Variants in TIAM2 observed in about 807,000 individuals in gnomAD.
TIAM2 encodes TIAM Rac1 associated GEF 2, also known as rho guanine nucleotide exchange factor TIAM2.
In TIAM2, 80 loss-of-function variants were observed where a neutral mutation model predicts 152.9. That is an observed-to-expected ratio of 0.52 (90% CI 0.44 to 0.63). The LOEUF (loss-of-function observed/expected upper bound fraction) is 0.63, where lower values mean the gene tolerates loss of function less well. Ranked by LOEUF, TIAM2 falls within the 30% of genes least tolerant of loss-of-function variation. TIAM2 has a pLI of 0.00. For synonymous variants in TIAM2, 804 were observed against 838.0 expected (o/e 0.96, Z 0.70); for missense variants, 1,965 against 2,120.1 (o/e 0.93, Z 1.44).
intron 1 of TIAM2, among the ~76,000 whole-genome samples, chr6:155,023,571 A>G (rs1776540330): frequency 6.6e-6 from 1 of 152,096 alleles, no homozygotes; most frequent in Non-Finnish European, 1.5e-5. Context: ...CTGGCCTGGA[A>G]CCAGCTGCAA....
chr6:155,127,606 C>A lies in TIAM2; in HGVS notation c.-7+6C>A, dbSNP rs1203887910. On this transcript the variant is annotated splice_donor_region_variant and intron_variant, in intron 3 of 26. Transcript: ENST00000682666. ...CAGCAGAAACTAGACGTCAGGTAAA[C>A]CCAACCCTTGTGCCTGGGGGTCACG... The A allele has an allele frequency of 4.4e-6, 2 of 455,858 alleles. No homozygotes were observed. 28.2% of individuals were successfully genotyped at this position (455,858 alleles called of 1,614,324 possible).
chr6:155,157,430 T>C (rs1398786158), intron 7 of TIAM2, among the ~76,000 whole-genome samples: 2 of 151,912 alleles, frequency 1.3e-5, no homozygotes, highest in African/African-American at 4.8e-5. Context: ...TTAGGAGAAG[T>C]ATATTTCTTT....
intron 14 of TIAM2, among the ~76,000 whole-genome samples, chr6:155,185,616 C>T (rs1170421684): frequency 3.9e-5 from 6 of 151,986 alleles, no homozygotes; most frequent in African/African-American, 9.7e-5. Context: ...GGCAGCCATT[C>T]GGACTGTCTA....
At chr6:155,206,880 A>G (rs1233725048) in intron 14 of TIAM2, among the ~76,000 whole-genome samples, 1 of 152,244 alleles carries the variant, frequency 6.6e-6, no homozygotes, top group African/African-American at 2.4e-5. Flanking sequence ...ACTTGAATTT[A>G]TAATTGATTT....
At chr6:155,179,164 G>A in intron 11 of TIAM2, 21 bp downstream of exon 11, 2 of 1,593,794 alleles carry the variant, frequency 1.3e-6, no homozygotes, top group East Asian at 4.5e-5. Context: ...ACTAGCTTTA[G>A]GAAGGGAAAC....
chr6:155,219,508 C>A (rs1191736984), intron 15 of TIAM2, among the ~76,000 whole-genome samples: 1 of 152,230 alleles, frequency 6.6e-6, no homozygotes, highest in Non-Finnish European at 1.5e-5. Flanking sequence ...TCTCTAACGC[C>A]ACACTTCCTT....
chr6:155,144,885 G>A (rs1463632431), intron 6 of TIAM2, 107 bp downstream of exon 6: 2 of 1,332,620 alleles, frequency 1.5e-6, no homozygotes, highest in Non-Finnish European at 2.0e-6. Flanking sequence ...TACTTAGTTA[G>A]GCTTTGGATT....
intron 26 of TIAM2, chr6:155,255,337 C>T (rs1206550329): frequency 3.3e-5 from 5 of 152,126 alleles, no homozygotes; most frequent in Admixed American, 6.5e-5. Context: ...TTTCAAATCA[C>T]GTTGTTCTTT....
intron 1 of TIAM2, among the ~76,000 whole-genome samples, chr6:155,009,937 C>G (rs1324781237): frequency 3.9e-5 from 6 of 151,996 alleles, no homozygotes; most frequent in Non-Finnish European, 8.8e-5. Flanking sequence ...ACTGCAACCT[C>G]CACCTCCTGG....
At chr6:155,179,514 C>T (rs1344972045) in intron 12 of TIAM2, 58 bp downstream of exon 12, 1 of 1,499,840 alleles carries the variant, frequency 6.7e-7, no homozygotes, top group Non-Finnish European at 9.0e-7. Flanking sequence ...GCCTACTTTG[C>T]CCCAGCATCT....
In TIAM2 at chr6:155,129,681, G is replaced by C; in HGVS notation, c.458G>C (p.Gly153Ala). ...RNESIASTPP[G>A]EDRKSPRVLI... is the part of the protein sequence containing the mutation. ...GAGAGCATTGCCTCCACCCCACCGG[G>C]CGAAGACCGCAAGAGCCCCCGAGTG... The change falls in exon 4 of 27, where the codon GGC becomes GCC. Residue 153 changes from glycine to alanine, a missense_variant. By Grantham distance (60) the Gly-to-Ala change is moderately conservative. Around this residue, in one of 3 missense-constraint regions of TIAM2, gnomAD observed 1,025 missense variants for 1,119.4 expected, o/e 0.92. Transcript: ENST00000682666. The surrounding 1 kb of genome is among the most constrained non-coding windows in gnomAD (Gnocchi z 4.8). The C allele has an allele frequency of 3.7e-6, 6 of 1,614,104 alleles. No individual in the cohort carries two copies. The highest frequency in any genetic ancestry group is 5.1e-6 in the Non-Finnish European group (6 of 1,180,038).
intron 1 of TIAM2, among the ~76,000 whole-genome samples, chr6:155,088,815 T>A (rs1306235580): frequency 1.3e-5 from 2 of 152,210 alleles, no homozygotes; most frequent in South Asian, 2.1e-4. Flanking sequence ...CAATTTTTTT[T>A]AAAAGCTCAT....
chr6:155,095,688 T>C (rs963493636), intron 2 of TIAM2, among the ~76,000 whole-genome samples: 3 of 152,220 alleles, frequency 2.0e-5, no homozygotes, highest in African/African-American at 7.2e-5. Context: ...ATGACCTCTC[T>C]GGTCTCTTTG....
chr6:155,140,573 T>TGTGAGAGAGAGAGAGAGA (rs1331424200), intron 5 of TIAM2, among the ~76,000 whole-genome samples: 1 of 107,404 alleles, frequency 9.3e-6, no homozygotes, highest in South Asian at 4.0e-4. Flanking sequence ...TGTGTGTGTG[T>TGTGAGAGAGAGAGAGAGA]GAGAGAGAGA....
In TIAM2 at chr6:155,029,463, A is replaced by T. The variant is rs1421617946; in HGVS notation, c.-209+33971A>T. Among the ~76,000 whole-genome samples, 24 of 52,842 alleles carry T rather than the reference A, an allele frequency of 4.5e-4. 3 individuals carry two copies. The highest frequency in any genetic ancestry group is 2.7e-3 in the East Asian group (7 of 2,614). The allele number at this position is 52,842 out of a possible 152,430, so 34.7% of individuals were successfully genotyped here. On this transcript the variant is annotated intron_variant, in intron 1 of 26. Coordinates refer to ENST00000682666, the MANE Select transcript of TIAM2 (RefSeq NM_012454.4). ...TTATACTATAGTATATATTATATAT[A>T]ATATATACTATAGTATATATACTAT...
At chr6:155,161,069 C>T (rs1173762975) in intron 7 of TIAM2, among the ~76,000 whole-genome samples, 3 of 152,188 alleles carry the variant, frequency 2.0e-5, no homozygotes, top group Non-Finnish European at 4.4e-5. Context: ...CATGTTCTCC[C>T]TCTGAATTCA....
chr6:155,222,015 G>A (rs1379224820), intron 15 of TIAM2, among the ~76,000 whole-genome samples: 6 of 151,742 alleles, frequency 4.0e-5, no homozygotes, highest in African/African-American at 7.3e-5. Flanking sequence ...GTGCAGTGGC[G>A]CGATCTTGGT....
At position 155,182,264 on chromosome 6, in the gene TIAM2, C is replaced by G. The variant is rs142732642; in HGVS notation, c.2746C>G (p.Leu916Val). 5 of 1,614,190 alleles carry G rather than the reference C, an allele frequency of 3.1e-6. No homozygotes were observed. Among genetic ancestry groups the G allele is most frequent in the Non-Finnish European group, 4.2e-6 (5 of 1,180,024 alleles). ...AGCGCAGGTGGATGAGCGTCAGCAT[C>G]TCAGCCGGATATTTATAAGCGACGT... is the stretch of plus-strand genomic sequence containing the variant. ...VTAQVDERQH[L>V]SRIFISDVLP... The change falls in exon 13 of 27, where the codon CTC becomes GTC. Residue 916 changes from leucine (L) to valine (V), a missense_variant. By Grantham distance (32) the Leu-to-Val change is conservative. Around this residue, in one of 3 missense-constraint regions of TIAM2, gnomAD observed 935 missense variants for 980.0 expected, o/e 0.95. Coordinates refer to ENST00000682666, the MANE Select transcript of TIAM2 (RefSeq NM_012454.4).
chr6:155,175,732 A>G (rs1008392622), intron 9 of TIAM2, among the ~76,000 whole-genome samples: 5 of 152,238 alleles, frequency 3.3e-5, no homozygotes, highest in Non-Finnish European at 5.9e-5. Flanking sequence ...ACATGTCTAC[A>G]TCGCTTAAGA....
Sources: gnomAD v4.1 joint callset for allele counts (sites outside exome capture counted in the v4.1 genomes callset) on GRCh38, gnomAD v4.1.1 for gene constraint, gnomAD v4.1.1 regional missense constraint, Gnocchi (gnomAD v3.1) non-coding constraint, MANE v1.5 for transcripts, NCBI Gene and HGNC (gene_info 2026-07-23, HGNC 2026-07-21) for gene names.